The following LHFPL5 variants were observed in gnomAD, a reference collection of about 807,000 sequenced individuals.
The protein encoded by LHFPL5 is LHFPL tetraspan subfamily member 5 protein.
Under a neutral mutation model 18.7 loss-of-function variants are expected in LHFPL5, and 12 were observed. The observed-to-expected ratio is 0.64, with a 90% CI of 0.41 to 1.04. The LOEUF is 1.04. LHFPL5 is among the 50% of genes least tolerant of loss of function. The probability of loss-of-function intolerance (pLI) is 0.00; values close to 1 mark genes in which losing one functional copy is unlikely to be tolerated. For missense variants in LHFPL5, 259 were observed against 292.1 expected (o/e 0.89, Z 0.83); for synonymous variants, 111 against 120.2 (o/e 0.92, Z 0.50).
Position 35,823,440 on chromosome 6 carries a change from CAT to C in LHFPL5, c.*483_*484del, listed in dbSNP as rs879430131. 0.31 allele frequency: 39,720 copies of C among 129,890 alleles called. 6,208 individuals carry two copies. Among genetic ancestry groups the C allele is most frequent in the South Asian group, 0.44 (1,835 of 4,154 alleles). 8.0% of individuals were successfully genotyped at this position (129,890 alleles called of 1,614,324 possible). A position where few individuals can be genotyped will look rare whatever the true frequency, so the allele number is the denominator to read the frequency against. On this transcript the variant is annotated 3_prime_UTR_variant, in exon 4 of 4. Transcript: ENST00000360215. ...ACACACACACATACATACACACACA[CAT>C]ATATATACACACACACACACACACA...
chr6:35,808,297 T>A (rs928108792), intron 1 of LHFPL5, among the ~76,000 whole-genome samples: 9 of 142,098 alleles, frequency 6.3e-5, no homozygotes, highest in Non-Finnish European at 1.1e-4. Flanking sequence ...TATCTCTATT[T>A]TATATATATA....
chr6:35,813,239 A>ATTT lies in LHFPL5; in HGVS notation c.413-1285_413-1283dup, dbSNP rs35884324. 7.1e-3 allele frequency among the ~76,000 whole-genome samples: 401 copies of ATTT among 56,310 alleles called. 19 individuals are homozygous for ATTT. Among genetic ancestry groups the ATTT allele is most frequent in the African/African-American group, 0.016 (233 of 14,986 alleles). 36.9% of individuals were successfully genotyped at this position (56,310 alleles called of 152,430 possible). The stretch of plus-strand genomic sequence containing the variant: ...ACCCAACCATGACCTAGGAACTAGC[A>ATTT]TTTTTTTTTTTTTTTTTTTTTTTTG... On this transcript the variant is annotated intron_variant, in intron 1 of 3. Transcript: ENST00000360215.
In LHFPL5 at chr6:35,823,477, A is replaced by ACACTCTCT. The variant is rs1554147856; in HGVS notation, c.*513_*514insACTCTCTC. ...CACACACACACACACACACACACAC[A>ACACTCTCT]CTCTCTCTCTCTCTCAAACACACAC... On this transcript the variant is annotated 3_prime_UTR_variant, in exon 4 of 4. Transcript: ENST00000360215. 2.8e-5 allele frequency: 4 copies of ACACTCTCT among 140,750 alleles called. No individual in the cohort carries two copies. The highest frequency in any genetic ancestry group is 1.1e-4 in the African/African-American group (4 of 36,488). The allele number at this position is 140,750 out of a possible 1,614,324, so 8.7% of individuals were successfully genotyped here.
chr6:35,805,901 C>G lies in LHFPL5; in HGVS notation c.231C>G (p.Leu77=), dbSNP rs755571205. The change falls in exon 1 of 4, where the codon CTC becomes CTG. Residue 77 remains leucine (L), a synonymous_variant. Coordinates refer to ENST00000360215, the MANE Select transcript of LHFPL5 (RefSeq NM_182548.4). This position sits in a 1 kb window ranked among gnomAD's most constrained non-coding sequence, Gnocchi z 4.3. Reference sequence around the variant, plus strand: ...TGGGTAACGTGCTGTCCTCCGAGCTCATCTGCAAGGGCGGCCCCCTAGACT... The same window carrying G: ...TGGGTAACGTGCTGTCCTCCGAGCTGATCTGCAAGGGCGGCCCCCTAGACT... ...YCVGNVLSSE[L]ICKGGPLDFS... 6.2e-7 allele frequency: 1 copy of G among 1,614,250 alleles called. No homozygotes were observed. Among genetic ancestry groups the G allele is most frequent in the Non-Finnish European group, 8.5e-7 (1 of 1,180,038 alleles).
intron 2 of LHFPL5, among the ~76,000 whole-genome samples, chr6:35,815,899 C>T (rs1245944496): frequency 6.6e-6 from 1 of 152,090 alleles, no homozygotes; most frequent in Non-Finnish European, 1.5e-5. Flanking sequence ...AGGCCGGGCA[C>T]GGTGGCTCAT....
chr6:35,812,136 A>C (rs559091788), intron 1 of LHFPL5, among the ~76,000 whole-genome samples: 12 of 152,342 alleles, frequency 7.9e-5, no homozygotes, highest in Admixed American at 2.6e-4. Context: ...GTATTTTGTG[A>C]TCTATAAAGA....
chr6:35,819,337 A>G (rs1561956090), intron 2 of LHFPL5, 100 bp from the exon 3 acceptor site: 2 of 1,101,812 alleles, frequency 1.8e-6, no homozygotes. Context: ...TCTTGAGAGT[A>G]AGAGGAATCT....
rs969059811 is a variant in LHFPL5, at chr6:35,810,055, T to C, written c.412+3973T>C. ...AAATATACGATAGATTGCTGTTGGT[T>C]ATACTCACTCTACAGTGCTAAAGAA... On this transcript the variant is annotated intron_variant, in intron 1 of 3. Transcript: ENST00000360215. Among the ~76,000 whole-genome samples, 6 of 152,238 alleles carry C rather than the reference T, an allele frequency of 3.9e-5. No homozygotes were observed. In the East Asian group the frequency reaches 1.2e-3, roughly 29 times the overall value.
intron 3 of LHFPL5, among the ~76,000 whole-genome samples, chr6:35,822,032 C>T (rs1768877301): frequency 6.6e-6 from 1 of 151,492 alleles, no homozygotes; most frequent in Non-Finnish European, 1.5e-5. Flanking sequence ...ATACCTCCTG[C>T]CCAGCTATAA....
intron 1 of LHFPL5, among the ~76,000 whole-genome samples, chr6:35,813,818 C>T (rs574907055): frequency 2.1e-4 from 23 of 109,274 alleles, no homozygotes; most frequent in African/African-American, 6.9e-4. Flanking sequence ...TTTTTTGAGA[C>T]GGAGTTTCGC....
At chr6:35,818,334 TATATATATATATATG>T (rs1561955495) in intron 2 of LHFPL5, among the ~76,000 whole-genome samples, 1 of 6,514 alleles carries the variant, frequency 1.5e-4, no homozygotes, top group African/African-American at 2.4e-4. Context: ...TATATATATA[TATATATATATATATG>T]TATTTTTTTT....
intron 3 of LHFPL5, among the ~76,000 whole-genome samples, chr6:35,822,522 T>C (rs1244989375): frequency 6.6e-6 from 1 of 152,196 alleles, no homozygotes; most frequent in African/African-American, 2.4e-5. Context: ...TTGTAATTTA[T>C]TTTGAGATAG....
At position 35,814,494 on chromosome 6, in the gene LHFPL5, C is replaced by G; in HGVS notation, c.413-52C>G. ...CAGCAGTGCAAGGTGTGGGAGGTAG[C>G]GGGCTAGGCACACTCGGCCTGATGC... On this transcript the variant is annotated intron_variant, in intron 1 of 3. Coordinates refer to ENST00000360215, the MANE Select transcript of LHFPL5 (RefSeq NM_182548.4). This position sits in a 1 kb window ranked among gnomAD's most constrained non-coding sequence, Gnocchi z 4.2. 1 of 1,360,122 alleles carries G rather than the reference C, an allele frequency of 7.4e-7. No homozygotes were observed. The allele number at this position is 1,360,122 out of a possible 1,614,324, so 84.3% of individuals were successfully genotyped here.
chr6:35,806,931 C>T (rs965748748), intron 1 of LHFPL5, among the ~76,000 whole-genome samples: 1 of 152,104 alleles, frequency 6.6e-6, no homozygotes, highest in Admixed American at 6.6e-5. Context: ...CTTAGGTGAT[C>T]CTCTCACATC....
Position 35,805,649 on chromosome 6 carries a change from C to T in LHFPL5, c.-22C>T, listed in dbSNP as rs1768555299. The T allele has an allele frequency of 6.2e-7, 1 of 1,613,324 alleles. No homozygotes were observed. The highest frequency in any genetic ancestry group is 8.5e-7 in the Non-Finnish European group (1 of 1,179,586). ...GGACTTGCAGCCCACGGGACCCCAGCCCAGGGCCTGCTGCCCTCACCATGG... is the reference window on the plus strand; with the variant it reads ...GGACTTGCAGCCCACGGGACCCCAGTCCAGGGCCTGCTGCCCTCACCATGG... On this transcript the variant is annotated 5_prime_UTR_variant, in exon 1 of 4. Coordinates refer to ENST00000360215, the MANE Select transcript of LHFPL5 (RefSeq NM_182548.4). This position sits in a 1 kb window ranked among gnomAD's most constrained non-coding sequence, Gnocchi z 4.3.
rs140941774 is a variant in LHFPL5 at position 35,813,486 on chromosome 6, G to A, written c.413-1060G>A. Among the ~76,000 whole-genome samples, 378 of 151,972 alleles carry A rather than the reference G, an allele frequency of 2.5e-3. 1 individual carries two copies. Among genetic ancestry groups the A allele is most frequent in the African/African-American group, 3.2e-3 (131 of 41,444 alleles). On this transcript the variant is annotated intron_variant, in intron 1 of 3. Transcript: ENST00000360215. ...TCTCGATCTCCTGACTTTGTAATCC[G>A]TCCACCTCGACCTCCCAAAGTCCTG...
chr6:35,805,725 G>A lies in LHFPL5; in HGVS notation c.55G>A (p.Val19Met), dbSNP rs1362924311. 1.9e-6 allele frequency: 3 copies of A among 1,614,206 alleles called. No individual in the cohort carries two copies. The highest frequency in any genetic ancestry group is 1.6e-4 in the Middle Eastern group (1 of 6,062). The change falls in exon 1 of 4, where the codon GTG becomes ATG. Residue 19 changes from valine (V) to methionine (M), a missense_variant. Physicochemically the swap from Val to Met is conservative, Grantham distance 21. Coordinates refer to ENST00000360215, the MANE Select transcript of LHFPL5 (RefSeq NM_182548.4). This position sits in a 1 kb window ranked among gnomAD's most constrained non-coding sequence, Gnocchi z 4.3. ...EAAKIYHTNY[V>M]RNSRAVGVMW... is the part of the protein sequence containing the mutation. ...AGCCAAGATCTACCATACCAACTAT[G>A]TGCGGAACTCGCGAGCCGTGGGCGT...
At chr6:35,815,328 T>G (rs1400381020) in intron 2 of LHFPL5, among the ~76,000 whole-genome samples, 1 of 152,116 alleles carries the variant, frequency 6.6e-6, no homozygotes, top group Non-Finnish European at 1.5e-5. Context: ...CTGTCAGTCA[T>G]AAAAGTCAGC....
chr6:35,810,532 C>G (rs562511216), intron 1 of LHFPL5, among the ~76,000 whole-genome samples: 140 of 152,072 alleles, frequency 9.2e-4, no homozygotes, highest in Non-Finnish European at 1.6e-3. Flanking sequence ...CTGGCTAACA[C>G]AGTGACACCC....
Sources: gnomAD v4.1 joint callset for allele counts (sites outside exome capture counted in the v4.1 genomes callset) on GRCh38, gnomAD v4.1.1 for gene constraint, Gnocchi (gnomAD v3.1) non-coding constraint, MANE v1.5 for transcripts, NCBI Gene and HGNC (gene_info 2026-07-23, HGNC 2026-07-21) for gene names.